The following COL14A1 variants were observed in gnomAD, a reference collection of about 807,000 sequenced individuals.
COL14A1 encodes collagen alpha-1(XIV) chain.
In COL14A1, 136 loss-of-function variants were observed where a neutral mutation model predicts 230.3. That is an observed-to-expected ratio of 0.59 (90% CI 0.51 to 0.68). COL14A1 has a LOEUF of 0.68. Ranked by LOEUF, COL14A1 falls within the 30% of genes least tolerant of loss-of-function variation. The pLI is 0.00. For missense variants in COL14A1, 1,976 were observed against 2,215.8 expected (o/e 0.89, Z 2.17); for synonymous variants, 792 against 784.1 (o/e 1.01, Z -0.17).
At chr8:120,355,675 C>T (rs1334124232) in intron 45 of COL14A1, among the ~76,000 whole-genome samples, 1 of 152,092 alleles carries the variant, frequency 6.6e-6, no homozygotes, top group Non-Finnish European at 1.5e-5. Context: ...CCCGCCTCGG[C>T]CTCACAAAGT....
intron 4 of COL14A1, among the ~76,000 whole-genome samples, chr8:120,163,619 C>T (rs188477279): frequency 0.028 from 4,296 of 152,080 alleles, 96 homozygotes; most frequent in Non-Finnish European, 0.039. Context: ...CAAAATTAGC[C>T]GGGCGTGGTG....
chr8:120,311,833 A>T (rs961014667), intron 37 of COL14A1, among the ~76,000 whole-genome samples: 3 of 152,310 alleles, frequency 2.0e-5, no homozygotes, highest in Middle Eastern at 3.4e-3. Context: ...GCGGTGGATC[A>T]TGCCTGTAAT....
chr8:120,359,033 A>G (rs1823088836), intron 45 of COL14A1, among the ~76,000 whole-genome samples: 1 of 152,000 alleles, frequency 6.6e-6, no homozygotes, highest in South Asian at 2.1e-4. Flanking sequence ...GGAAAAACAT[A>G]ATGAGTATCC....
chr8:120,236,710 T>C (rs991229548), intron 19 of COL14A1, among the ~76,000 whole-genome samples: 9 of 152,188 alleles, frequency 5.9e-5, no homozygotes, highest in Non-Finnish European at 8.8e-5. Flanking sequence ...TTCTTCGTAA[T>C]GTCAATGGTC....
intron 1 of COL14A1, among the ~76,000 whole-genome samples, chr8:120,142,267 C>T (rs965437911): frequency 2.6e-5 from 4 of 152,192 alleles, no homozygotes; most frequent in African/African-American, 9.6e-5. Flanking sequence ...GGCAGATTTA[C>T]TGAATGTTTT....
intron 3 of COL14A1, among the ~76,000 whole-genome samples, chr8:120,161,030 T>TATTAGGTG (rs1815650621): frequency 6.6e-6 from 1 of 151,880 alleles, no homozygotes; most frequent in African/African-American, 2.4e-5. Context: ...GTGAAAGATA[T>TATTAGGTG]ATTAGGTGCA....
intron 22 of COL14A1, among the ~76,000 whole-genome samples, chr8:120,252,405 TA>T (rs1819001258): frequency 6.6e-6 from 1 of 152,176 alleles, no homozygotes; most frequent in Non-Finnish European, 1.5e-5. Flanking sequence ...AATCACATTT[TA>T]AAATACACAT....
chr8:120,126,361 C>A (rs1814336004), intron 1 of COL14A1, among the ~76,000 whole-genome samples: 1 of 152,212 alleles, frequency 6.6e-6, no homozygotes, highest in African/African-American at 2.4e-5. Context: ...TTGGACCTGT[C>A]CTTACGGAAA....
intron 24 of COL14A1, among the ~76,000 whole-genome samples, chr8:120,264,346 G>C (rs1368639447): frequency 6.6e-6 from 1 of 152,136 alleles, no homozygotes; most frequent in East Asian, 1.9e-4. Flanking sequence ...AAATCATATA[G>C]TTTTGAAGTT....
At chr8:120,171,074 C>T (rs1816079441) in intron 5 of COL14A1, among the ~76,000 whole-genome samples, 1 of 151,908 alleles carries the variant, frequency 6.6e-6, no homozygotes, top group African/African-American at 2.4e-5. Flanking sequence ...CCCTTTACAC[C>T]TTACTTAAAA....
chr8:120,268,535 T>C (rs1779954370), intron 25 of COL14A1, among the ~76,000 whole-genome samples: 1 of 151,700 alleles, frequency 6.6e-6, no homozygotes, highest in Admixed American at 6.6e-5. Flanking sequence ...GTAGAAACAT[T>C]GGTTCTGAGA....
intron 6 of COL14A1, among the ~76,000 whole-genome samples, chr8:120,197,155 A>C (rs971503846): frequency 6.6e-6 from 1 of 152,164 alleles, no homozygotes; most frequent in Non-Finnish European, 1.5e-5. Context: ...TATTGAACAT[A>C]TTTTAATCTT....
chr8:120,235,385 G>T (rs1004742564), intron 19 of COL14A1, among the ~76,000 whole-genome samples: 2 of 152,130 alleles, frequency 1.3e-5, no homozygotes, highest in Admixed American at 1.3e-4. Flanking sequence ...TGGCCAGGCT[G>T]GTCTCAAACT....
At chr8:120,306,442 A>G (rs1175816972) in intron 36 of COL14A1, among the ~76,000 whole-genome samples, 1 of 152,218 alleles carries the variant, frequency 6.6e-6, no homozygotes, top group Non-Finnish European at 1.5e-5. Context: ...TTTGTATTCT[A>G]AATAAAGCGT....
At chr8:120,263,608 C>T (rs1299027818) in intron 24 of COL14A1, among the ~76,000 whole-genome samples, 4 of 152,148 alleles carry the variant, frequency 2.6e-5, no homozygotes, top group African/African-American at 7.2e-5. Context: ...TTCTTGACCC[C>T]GGCTCCACAA....
At chr8:120,148,169 C>CA (rs1355730958) in intron 2 of COL14A1, among the ~76,000 whole-genome samples, 5 of 126,278 alleles carry the variant, frequency 4.0e-5, no homozygotes, top group Non-Finnish European at 8.0e-5. Context: ...TTTTTTGAGT[C>CA]AGAGTCTTGC....
At chr8:120,295,976 A>T (rs892029387) in intron 34 of COL14A1, among the ~76,000 whole-genome samples, 3 of 151,950 alleles carry the variant, frequency 2.0e-5, no homozygotes, top group African/African-American at 7.2e-5. Context: ...AATTGTTTAT[A>T]AAAATAAGCT....
intron 42 of COL14A1, among the ~76,000 whole-genome samples, chr8:120,335,357 G>A (rs545106989): frequency 3.9e-5 from 6 of 152,284 alleles, no homozygotes; most frequent in African/African-American, 1.4e-4. Flanking sequence ...AGCAGGAGGG[G>A]CCCTTGTGCC....
intron 24 of COL14A1, among the ~76,000 whole-genome samples, chr8:120,266,178 A>C (rs1819496200): frequency 6.6e-6 from 1 of 152,076 alleles, no homozygotes. Flanking sequence ...CTGGAATGAG[A>C]ATTGATAATC....
Sources: allele counts gnomAD v4.1 joint callset (sites outside exome capture counted in the v4.1 genomes callset), GRCh38; gene constraint gnomAD v4.1.1; transcripts MANE v1.5; gene names NCBI Gene and HGNC (gene_info 2026-07-23, HGNC 2026-07-21).